The following PWWP2B variants were observed in gnomAD, a reference collection of about 807,000 sequenced individuals.
The protein encoded by PWWP2B is PWWP domain-containing protein 2B.
Under a neutral mutation model 15.5 loss-of-function variants are expected in PWWP2B, and 9 were observed. The observed-to-expected ratio is 0.58, with a 90% CI of 0.35 to 1.02. The LOEUF is 1.02. PWWP2B is among the 50% of genes least tolerant of loss of function. PWWP2B has a pLI of 0.02. For missense variants in PWWP2B, 864 were observed against 865.3 expected (o/e 1.00, Z 0.02); for synonymous variants, 474 against 403.6 (o/e 1.17, Z -2.09).
At chr10:132,415,620 ATCACACATCCAC>A (rs1270343375) in intron 2 of PWWP2B, among the ~76,000 whole-genome samples, 12 of 109,488 alleles carry the variant, frequency 1.1e-4, no homozygotes, top group South Asian at 3.1e-4. Flanking sequence ...CACACATCCA[ATCACACATCCAC>A]TCACACACCC....
intron 1 of PWWP2B, among the ~76,000 whole-genome samples, chr10:132,402,164 C>A (rs571021828): frequency 5.3e-4 from 81 of 152,348 alleles, no homozygotes; most frequent in African/African-American, 1.8e-3. Context: ...AAGGGACTAA[C>A]CCCTGGCCTG....
chr10:132,408,472 C>T (rs1268611506), intron 2 of PWWP2B, among the ~76,000 whole-genome samples: 5 of 152,114 alleles, frequency 3.3e-5, no homozygotes, highest in Non-Finnish European at 5.9e-5. Flanking sequence ...AGGTGTGGGG[C>T]GCTGCTGGCC....
rs1310110651 is a variant in PWWP2B at position 132,404,020 on chromosome 10, G to A, written c.126-606G>A. Among the ~76,000 whole-genome samples, 7 of 60,676 alleles carry A rather than the reference G, an allele frequency of 1.2e-4. No homozygotes were observed. In the East Asian group the frequency reaches 3.7e-3, roughly 32 times the overall value. 39.8% of individuals were successfully genotyped at this position (60,676 alleles called of 152,430 possible). The stretch of plus-strand genomic sequence containing the variant: ...GACGGCATTCTCCAGGGCTCCTGCA[G>A]GACGGCATTCTCCAGGGCTCCTGCA... On this transcript the variant is annotated intron_variant, in intron 1 of 2. Transcript: ENST00000305233.
intron 2 of PWWP2B, among the ~76,000 whole-genome samples, chr10:132,410,756 G>A (rs767618821): frequency 7.2e-5 from 11 of 152,166 alleles, no homozygotes; most frequent in African/African-American, 2.4e-4. Flanking sequence ...AGGGCAGGCC[G>A]TGCTCCACCG....
chr10:132,397,298 G>C lies in PWWP2B; in HGVS notation c.72G>C (p.Thr24=), dbSNP rs769484191. The change falls in exon 1 of 3, where the codon ACG becomes ACC. Residue 24 remains threonine (T), a synonymous_variant. Transcript: ENST00000305233. The part of the protein sequence containing the change: ...EQVVNGALVV[T]VSCGERSFAG... Reference sequence around the variant, plus strand: ...TCGTCAACGGCGCGCTGGTGGTCACGGTGAGCTGCGGCGAGCGGAGCTTCG... The same window carrying C: ...TCGTCAACGGCGCGCTGGTGGTCACCGTGAGCTGCGGCGAGCGGAGCTTCG... The C allele has an allele frequency of 2.2e-5, 32 of 1,428,140 alleles. No individual in the cohort carries two copies. Among genetic ancestry groups the C allele is most frequent in the Admixed American group, 4.5e-5 (2 of 44,344 alleles). The allele number at this position is 1,428,140 out of a possible 1,614,324, so 88.5% of individuals were successfully genotyped here.
At chr10:132,403,605 C>G (rs2069640610) in intron 1 of PWWP2B, among the ~76,000 whole-genome samples, 1 of 152,216 alleles carries the variant, frequency 6.6e-6, no homozygotes, top group Non-Finnish European at 1.5e-5. Flanking sequence ...GCGAGGTGGC[C>G]TGCACTCTAG....
chr10:132,404,847 C>T lies in PWWP2B; in HGVS notation c.347C>T (p.Pro116Leu), dbSNP rs750405972. 47 of 1,586,690 alleles carry T rather than the reference C, an allele frequency of 3.0e-5. No homozygotes were observed. Among genetic ancestry groups the T allele is most frequent in the East Asian group, 2.0e-4 (9 of 44,450 alleles). ...VPPLPAGSLP[P>L]YPPYFEGAPF... ...CCGCTGCCCGCCGGAAGCCTGCCCC[C>T]GTACCCTCCCTACTTCGAAGGCGCC... Residue 116 changes from proline (P) to leucine (L), a missense_variant, in exon 2 of 3, where the codon CCG (proline) becomes CTG (leucine). Pro to Leu is a moderately conservative substitution (Grantham distance 98). Around this residue, in one of 2 missense-constraint regions of PWWP2B, gnomAD observed 736 missense variants for 687.7 expected, o/e 1.07. Coordinates refer to ENST00000305233, the MANE Select transcript of PWWP2B (RefSeq NM_138499.4).
At chr10:132,412,234 C>G (rs553643182) in intron 2 of PWWP2B, among the ~76,000 whole-genome samples, 141 of 152,360 alleles carry the variant, frequency 9.3e-4, no homozygotes, top group African/African-American at 3.2e-3. Context: ...CCCTGCTCAC[C>G]CATGCCTTCA....
In PWWP2B at chr10:132,417,363, G is replaced by T. The variant is rs139528893; in HGVS notation, c.*319G>T. 4.4e-3 allele frequency: 2,199 copies of T among 494,716 alleles called. 39 individuals carry two copies. The highest frequency in any genetic ancestry group is 0.03 in the South Asian group (1,199 of 39,338). 30.6% of individuals were successfully genotyped at this position (494,716 alleles called of 1,614,324 possible). ...CCTCGCGCGCTGGGGTTCCATGGAG[G>T]AACTGGGCCTGCCGCCCCGGCCTCA... On this transcript the variant is annotated 3_prime_UTR_variant, in exon 3 of 3. Coordinates refer to ENST00000305233, the MANE Select transcript of PWWP2B (RefSeq NM_138499.4).
chr10:132,401,115 AG>A (rs967182519), intron 1 of PWWP2B, among the ~76,000 whole-genome samples: 5 of 152,166 alleles, frequency 3.3e-5, no homozygotes, highest in Non-Finnish European at 5.9e-5. Flanking sequence ...GGCTGAGTTA[AG>A]GCTCGGCCAC....
intron 2 of PWWP2B, among the ~76,000 whole-genome samples, chr10:132,406,640 G>A (rs1267561572): frequency 3.9e-5 from 6 of 152,210 alleles, no homozygotes; most frequent in African/African-American, 1.4e-4. Context: ...ATCCTGGGGA[G>A]GGGAGAGCCC....
intron 1 of PWWP2B, 147 bp downstream of exon 1, chr10:132,397,498 C>T: frequency 1.2e-6 from 1 of 843,268 alleles, no homozygotes; most frequent in Non-Finnish European, 1.5e-6. Context: ...AGTTTCGGGG[C>T]GCGCGAGCGC....
rs1233006028 is a variant in PWWP2B at position 132,404,852 on chromosome 10, C to G, written c.352C>G (p.Pro118Ala). The G allele has an allele frequency of 3.1e-6, 5 of 1,588,552 alleles. No individual in the cohort carries two copies. Among genetic ancestry groups the G allele is most frequent in the Non-Finnish European group, 4.3e-6 (5 of 1,174,274 alleles). The change falls in exon 2 of 3, where the codon CCT becomes GCT. Residue 118 changes from proline (P) to alanine (A), a missense_variant. Pro to Ala is a conservative substitution (Grantham distance 27). Transcript: ENST00000305233. The stretch of plus-strand genomic sequence containing the variant: ...GCCCGCCGGAAGCCTGCCCCCGTAC[C>G]CTCCCTACTTCGAAGGCGCCCCCTT... ...PLPAGSLPPY[P>A]PYFEGAPFPH...
intron 2 of PWWP2B, among the ~76,000 whole-genome samples, chr10:132,406,678 A>C (rs76755884): frequency 0.046 from 6,924 of 152,096 alleles, 200 homozygotes; most frequent in Middle Eastern, 0.1. Flanking sequence ...TGCGTTACTC[A>C]CTCAGGGAAC....
intron 2 of PWWP2B, among the ~76,000 whole-genome samples, chr10:132,411,197 G>A (rs1239877120): frequency 6.6e-6 from 1 of 152,198 alleles, no homozygotes; most frequent in African/African-American, 2.4e-5. Context: ...TGCCTCCACA[G>A]ACCTGGGGGT....
chr10:132,408,795 C>T (rs538142068), intron 2 of PWWP2B, among the ~76,000 whole-genome samples: 1 of 152,384 alleles, frequency 6.6e-6, no homozygotes, highest in African/African-American at 2.4e-5. Flanking sequence ...TCTCTCTCAG[C>T]TTGCTGCGGG....
intron 2 of PWWP2B, among the ~76,000 whole-genome samples, chr10:132,416,795 T>C (rs1379550148): frequency 1.3e-5 from 2 of 151,874 alleles, no homozygotes; most frequent in Non-Finnish European, 2.9e-5. Context: ...GGCTTCTCCG[T>C]GGCCCTGCGT....
intron 1 of PWWP2B, among the ~76,000 whole-genome samples, chr10:132,399,510 G>A (rs896905379): frequency 5.9e-5 from 9 of 152,296 alleles, no homozygotes; most frequent in Non-Finnish European, 1.3e-4. Context: ...CAAAGCAGAG[G>A]GGAGAGGGGC....
intron 1 of PWWP2B, among the ~76,000 whole-genome samples, chr10:132,400,690 C>G (rs1280620241): frequency 8.5e-5 from 13 of 152,234 alleles, no homozygotes; most frequent in Non-Finnish European, 1.9e-4. Context: ...TACAGGGAGA[C>G]TGCAGACGCT....
Sources: allele counts gnomAD v4.1 joint callset (sites outside exome capture counted in the v4.1 genomes callset), GRCh38; gene constraint gnomAD v4.1.1; regional missense constraint gnomAD v4.1.1; transcripts MANE v1.5; gene names NCBI Gene and HGNC (gene_info 2026-07-23, HGNC 2026-07-21).